The following ANGPTL6 variants were observed in gnomAD, a reference collection of about 807,000 sequenced individuals.
ANGPTL6 encodes angiopoietin-related protein 6.
In ANGPTL6, 45 loss-of-function variants were observed where a neutral mutation model predicts 47.4. The ratio of observed to expected loss-of-function variants is 0.95; its 90% CI spans 0.75 to 1.22. The LOEUF is 1.22. ANGPTL6 is among the 50% of genes most tolerant of loss of function. ANGPTL6 has a pLI of 0.00. For synonymous variants in ANGPTL6, 290 were observed against 295.9 expected (o/e 0.98, Z 0.20); for missense variants, 698 against 669.4 (o/e 1.04, Z -0.47).
At chr19:10,094,463 A>G in intron 3 of ANGPTL6, 1 of 400,062 alleles carries the variant, frequency 2.5e-6, no homozygotes, top group East Asian at 6.2e-5. Context: ...GGGTTCTTAA[A>G]CCCTGGTTTT....
At chr19:10,095,085 C>G in intron 2 of ANGPTL6, 147 bp from the exon 3 acceptor site, 2 of 891,176 alleles carry the variant, frequency 2.2e-6, no homozygotes, top group Admixed American at 6.0e-5. Context: ...TAGGAATGAT[C>G]CTCCCCAAAA....
At chr19:10,093,925 A>G in intron 3 of ANGPTL6, 45 bp from the exon 4 acceptor site, 1 of 1,583,950 alleles carries the variant, frequency 6.3e-7, no homozygotes, top group South Asian at 1.1e-5. Context: ...GGGCTGACCA[A>G]TCCCTTACTG....
intron 1 of ANGPTL6, among the ~76,000 whole-genome samples, chr19:10,099,841 C>T (rs1240764836): frequency 1.1e-5 from 1 of 91,942 alleles, no homozygotes; most frequent in Admixed American, 1.1e-4. Flanking sequence ...CTCTCTCTCT[C>T]TCTTTCTCTC....
intron 1 of ANGPTL6, among the ~76,000 whole-genome samples, chr19:10,099,266 C>T (rs2088619037): frequency 6.6e-6 from 1 of 152,098 alleles, no homozygotes; most frequent in Non-Finnish European, 1.5e-5. Flanking sequence ...GAGGAAAAGC[C>T]CAAATCCACC....
upstream of ANGPTL6, among the ~76,000 whole-genome samples, chr19:10,104,654 T>G (rs1267376269): frequency 6.6e-6 from 1 of 152,026 alleles, no homozygotes; most frequent in Non-Finnish European, 1.5e-5. Flanking sequence ...ATAAAGGATA[T>G]CTCATTGATT....
Position 10,092,366 on chromosome 19 carries a change from T to C in ANGPTL6, c.*223A>G, listed in dbSNP as rs1362314091. 5.8e-6 allele frequency: 9 copies of C among 1,539,352 alleles called. No homozygotes were observed. The highest frequency in any genetic ancestry group is 1.2e-5 in the South Asian group (1 of 82,794). On this transcript the variant is annotated 3_prime_UTR_variant, in exon 6 of 6. Coordinates refer to ENST00000253109, the MANE Select transcript of ANGPTL6 (RefSeq NM_031917.3). ...GGCTACTTTGTGTTATTATAAGATA[T>C]GAGCTCAAACCGAGATATGAATGAC...
At chr19:10,105,377 G>A (rs545546821), upstream of ANGPTL6, among the ~76,000 whole-genome samples, 1 of 152,268 alleles carries the variant, frequency 6.6e-6, no homozygotes, top group East Asian at 1.9e-4. Context: ...ATAGGGAGAT[G>A]GGAGAGACAT....
At chr19:10,092,801 A>C in intron 5 of ANGPTL6, 22 bp from the exon 6 acceptor site, 1 of 1,567,554 alleles carries the variant, frequency 6.4e-7, no homozygotes, top group Non-Finnish European at 8.7e-7. Context: ...GAGAGAGTCC[A>C]TGTCCTCTCA....
chr19:10,104,397 A>C (rs535655569), upstream of ANGPTL6, among the ~76,000 whole-genome samples: 20 of 150,910 alleles, frequency 1.3e-4, 1 homozygote, highest in South Asian at 4.2e-3. Flanking sequence ...TAGTGTTGGC[A>C]CTTATTTAAT....
At chr19:10,105,630 A>G (rs1468586483), upstream of ANGPTL6, among the ~76,000 whole-genome samples, 1 of 147,304 alleles carries the variant, frequency 6.8e-6, no homozygotes, top group East Asian at 2.1e-4. Context: ...GAGGGGAGAC[A>G]CATCTGGGGG....
intron 1 of ANGPTL6, among the ~76,000 whole-genome samples, chr19:10,097,777 T>G (rs1029597981): frequency 3.3e-5 from 5 of 151,850 alleles, no homozygotes; most frequent in Non-Finnish European, 7.4e-5. Context: ...GGCGTGAACC[T>G]GGGAGGCAGA....
chr19:10,102,683 C>G, upstream of ANGPTL6: 1 of 984,868 alleles, frequency 1.0e-6, no homozygotes, highest in Non-Finnish European at 1.2e-6. Context: ...GGCAGTGGGA[C>G]AGAAGGAGAG....
chr19:10,104,350 T>C (rs1213976564), upstream of ANGPTL6, among the ~76,000 whole-genome samples: 1 of 148,784 alleles, frequency 6.7e-6, no homozygotes, highest in Non-Finnish European at 1.5e-5. Flanking sequence ...GTGTGTGTAG[T>C]TTTATGGTTC....
chr19:10,094,714 A>T, intron 3 of ANGPTL6, 44 bp downstream of exon 3: 1 of 1,613,290 alleles, frequency 6.2e-7, no homozygotes, highest in Non-Finnish European at 8.5e-7. Flanking sequence ...CTGACTCCTC[A>T]ATTTTCCTCT....
chr19:10,102,527 A>G (rs1460540556), intron 1 of ANGPTL6, 41 bp downstream of exon 1: 1 of 980,464 alleles, frequency 1.0e-6, no homozygotes, highest in Non-Finnish European at 1.2e-6. Flanking sequence ...GAGTTTCCCC[A>G]CAGTGAGAAT....
intron 3 of ANGPTL6, 179 bp downstream of exon 3, chr19:10,094,579 C>A: frequency 1.3e-6 from 1 of 763,046 alleles, no homozygotes; most frequent in Middle Eastern, 3.2e-4. Context: ...AAGTAAGAGT[C>A]CCTCCTCTTC....
chr19:10,094,982 G>T (rs766738518), intron 2 of ANGPTL6, 44 bp from the exon 3 acceptor site: 5 of 1,527,880 alleles, frequency 3.3e-6, no homozygotes, highest in Middle Eastern at 3.5e-4. Context: ...CTAACCCTCA[G>T]GCCAGGAGGC....
rs532483273 is a variant in ANGPTL6 at position 10,092,377 on chromosome 19, C to T, written c.*212G>A. 96 of 1,532,060 alleles carry T rather than the reference C, an allele frequency of 6.3e-5. No individual in the cohort carries two copies. The highest frequency in any genetic ancestry group is 7.7e-5 in the Non-Finnish European group (88 of 1,143,260). The allele number at this position is 1,532,060 out of a possible 1,614,324, so 94.9% of individuals were successfully genotyped here. A position where few individuals can be genotyped will look rare whatever the true frequency, so the allele number is the denominator to read the frequency against. On this transcript the variant is annotated 3_prime_UTR_variant, in exon 6 of 6. Transcript: ENST00000253109. ...GTTATTATAAGATATGAGCTCAAACCGAGATATGAATGACCTTGGGGAGCC... is the reference window on the plus strand; with the variant it reads ...GTTATTATAAGATATGAGCTCAAACTGAGATATGAATGACCTTGGGGAGCC...
chr19:10,100,255 G>GA (rs1268882694), intron 1 of ANGPTL6, among the ~76,000 whole-genome samples: 2 of 151,376 alleles, frequency 1.3e-5, no homozygotes, highest in Non-Finnish European at 3.0e-5. Context: ...CAAAAAAAAA[G>GA]AAAAAAAAGA....
Sources: gnomAD v4.1 joint callset for allele counts (sites outside exome capture counted in the v4.1 genomes callset) on GRCh38, gnomAD v4.1.1 for gene constraint, MANE v1.5 for transcripts, NCBI Gene and HGNC (gene_info 2026-07-23, HGNC 2026-07-21) for gene names.